Variants in AATF observed in about 807,000 individuals in gnomAD.
The protein encoded by AATF is apoptosis antagonizing transcription factor.
A neutral mutation model predicts 63.7 loss-of-function variants in AATF; 48 were observed. That is an observed-to-expected ratio of 0.75 (90% CI 0.60 to 0.96). The LOEUF is 0.96. Among genes scored for constraint, AATF ranks in the 40% least tolerant of loss-of-function variants. AATF has a pLI of 0.00. For missense variants in AATF, 639 were observed against 685.7 expected (o/e 0.93, Z 0.76); for synonymous variants, 258 against 247.7 (o/e 1.04, Z -0.39).
At chr17:37,031,328 T>C (rs747108270) in intron 10 of AATF, 7 of 465,132 alleles carry the variant, frequency 1.5e-5, no homozygotes, top group Non-Finnish European at 2.7e-5. Context: ...GGAGCATGTG[T>C]GTAGATTACA....
chr17:37,020,813 G>A, intron 9 of AATF, 121 bp from the exon 10 acceptor site: 1 of 754,848 alleles, frequency 1.3e-6, no homozygotes. Context: ...AAACTAGCTT[G>A]AGGAACTTGA....
At chr17:37,049,465 C>T (rs770685301) in intron 11 of AATF, among the ~76,000 whole-genome samples, 2 of 152,176 alleles carry the variant, frequency 1.3e-5, no homozygotes, top group South Asian at 2.1e-4. Flanking sequence ...GTTAGCCAGG[C>T]GTGGTGGCGG....
intron 4 of AATF, among the ~76,000 whole-genome samples, chr17:36,967,602 T>A (rs2071000955): frequency 6.6e-6 from 1 of 152,242 alleles, no homozygotes; most frequent in South Asian, 2.1e-4. Context: ...GGGTGTTACC[T>A]TAGCTTCTTG....
intron 7 of AATF, among the ~76,000 whole-genome samples, chr17:36,989,963 G>GTT (rs1390806278): frequency 7.6e-6 from 1 of 130,876 alleles, no homozygotes; most frequent in African/African-American, 2.6e-5. Context: ...TCAATTGCCT[G>GTT]TTAACGTAAC....
chr17:36,986,214 A>G (rs951180489), intron 4 of AATF, among the ~76,000 whole-genome samples: 1 of 152,196 alleles, frequency 6.6e-6, no homozygotes, highest in Non-Finnish European at 1.5e-5. Context: ...GCTGACTGAT[A>G]AGGAATAGTC....
At chr17:36,969,260 G>T (rs1433063781) in intron 4 of AATF, among the ~76,000 whole-genome samples, 2 of 152,110 alleles carry the variant, frequency 1.3e-5, no homozygotes, top group Non-Finnish European at 2.9e-5. Flanking sequence ...TTCCTGCCTG[G>T]TGGCCAACAT....
intron 8 of AATF, among the ~76,000 whole-genome samples, chr17:37,009,686 G>A (rs973711699): frequency 4.0e-5 from 6 of 149,792 alleles, no homozygotes; most frequent in East Asian, 2.0e-4. Context: ...GCGCGGTGGC[G>A]GGCGCCTGTA....
chr17:37,055,860 T>A (rs2071794103), intron 11 of AATF: 1 of 152,290 alleles, frequency 6.6e-6, no homozygotes, highest in Non-Finnish European at 1.5e-5. Context: ...GGAGCTTCTG[T>A]CTCAACGATA....
chr17:37,014,275 A>G (rs1252330971), intron 8 of AATF, among the ~76,000 whole-genome samples: 1 of 138,208 alleles, frequency 7.2e-6, no homozygotes, highest in East Asian at 1.9e-4. Flanking sequence ...TAGTAATAAT[A>G]ATAATAATAA....
At chr17:37,054,554 C>T (rs775278449) in intron 11 of AATF, 1 of 152,234 alleles carries the variant, frequency 6.6e-6, no homozygotes. Flanking sequence ...TGTTTGTCAG[C>T]TTTGCCCACC....
intron 4 of AATF, among the ~76,000 whole-genome samples, chr17:36,973,090 T>A (rs1190920097): frequency 6.6e-6 from 1 of 151,976 alleles, no homozygotes; most frequent in African/African-American, 2.4e-5. Context: ...GTAAGGGCAA[T>A]TGCAGTTAAT....
intron 4 of AATF, among the ~76,000 whole-genome samples, chr17:36,962,318 A>G (rs1355922228): frequency 6.6e-6 from 1 of 152,242 alleles, no homozygotes; most frequent in Non-Finnish European, 1.5e-5. Flanking sequence ...TATAATGTAG[A>G]GAGTAAAGCT....
intron 5 of AATF, among the ~76,000 whole-genome samples, chr17:36,987,280 T>C (rs1185561683): frequency 6.6e-6 from 1 of 151,892 alleles, no homozygotes; most frequent in African/African-American, 2.4e-5. Flanking sequence ...CATGGGCCAC[T>C]TCACCTGGCC....
chr17:37,007,818 A>G (rs891282667), intron 8 of AATF, among the ~76,000 whole-genome samples: 1 of 152,206 alleles, frequency 6.6e-6, no homozygotes, highest in African/African-American at 2.4e-5. Flanking sequence ...TTCTACATAA[A>G]GGAATTGTGT....
intron 1 of AATF, 152 bp from the exon 2 acceptor site, chr17:36,950,062 C>G: frequency 3.7e-6 from 3 of 815,554 alleles, no homozygotes; most frequent in Non-Finnish European, 5.9e-6. Flanking sequence ...AGACAGTGTT[C>G]TACTTTGGGA....
At chr17:36,968,052 AC>A (rs2071005776) in intron 4 of AATF, among the ~76,000 whole-genome samples, 1 of 150,942 alleles carries the variant, frequency 6.6e-6, no homozygotes, top group Admixed American at 6.6e-5. Flanking sequence ...TTTGTTTTTT[AC>A]TATCTCCCCT....
intron 10 of AATF, among the ~76,000 whole-genome samples, chr17:37,023,465 C>A (rs2071487779): frequency 6.6e-6 from 1 of 152,034 alleles, no homozygotes; most frequent in African/African-American, 2.4e-5. Flanking sequence ...TCCCCACATT[C>A]TCATATCCAG....
chr17:36,989,501 A>G, intron 7 of AATF, 90 bp downstream of exon 7: 1 of 1,330,814 alleles, frequency 7.5e-7, no homozygotes, highest in Non-Finnish European at 1.0e-6. Flanking sequence ...CTGTTTATAT[A>G]AGAGGTTAGT....
intron 4 of AATF, among the ~76,000 whole-genome samples, chr17:36,975,928 G>C (rs754075905): frequency 1.2e-4 from 18 of 152,160 alleles, no homozygotes; most frequent in Non-Finnish European, 1.9e-4. Context: ...GAATTTTGGA[G>C]ACTATTAATC....
Sources: allele counts gnomAD v4.1 joint callset (sites outside exome capture counted in the v4.1 genomes callset), GRCh38; gene constraint gnomAD v4.1.1; transcripts MANE v1.5; gene names NCBI Gene and HGNC (gene_info 2026-07-23, HGNC 2026-07-21).